Variants in GOLGA8S observed in about 807,000 individuals in gnomAD.
GOLGA8S encodes the protein golgin A8 family member S, also known as golgin subfamily A member 8S.
GOLGA8S carries 23 observed loss-of-function variants against 58.9 expected under a neutral mutation model. The ratio of observed to expected loss-of-function variants is 0.39; its 90% CI spans 0.28 to 0.55. The LOEUF (loss-of-function observed/expected upper bound fraction) is 0.55. Among genes scored for constraint, GOLGA8S ranks in the 20% least tolerant of loss-of-function variants. The pLI, the probability that GOLGA8S is intolerant of heterozygous loss-of-function variation, is 0.63. For missense variants in GOLGA8S, 266 were observed against 514.2 expected (o/e 0.52, Z 4.67); for synonymous variants, 84 against 195.7 (o/e 0.43, Z 4.76).
Position 23,364,324 on chromosome 15 carries a change from T to C in GOLGA8S, c.1348-19T>C, listed in dbSNP as rs549964150. On this transcript the variant is annotated intron_variant, in intron 15 of 18. Transcript: ENST00000562295. ...GGGCAGGTCGCTGCCGAGATGTGAC[T>C]ACAATATTTTGGCTCCAGAGCAGCT... The C allele has an allele frequency of 1.1e-4, 172 of 1,598,840 alleles. 3 individuals carry two copies. Among genetic ancestry groups the C allele is most frequent in the East Asian group, 6.0e-4 (27 of 44,770 alleles).
chr15:23,359,970 G>T lies in GOLGA8S; in HGVS notation c.592-262G>T, dbSNP rs1450199673. Among the ~76,000 whole-genome samples, 2 of 149,540 alleles carry T rather than the reference G, an allele frequency of 1.3e-5. 1 individual carries two copies. The highest frequency in any genetic ancestry group is 3.0e-5 in the Non-Finnish European group (2 of 67,444). On this transcript the variant is annotated intron_variant, in intron 8 of 18. Coordinates refer to ENST00000562295, the Ensembl canonical transcript of GOLGA8S. ...GTATCTGGTGAAGCACTCCATAAAAGTTCAAACAGTGGTAATAATAACAGT... is the reference window on the plus strand; with the variant it reads ...GTATCTGGTGAAGCACTCCATAAAATTTCAAACAGTGGTAATAATAACAGT...
At chr15:23,363,914 G>C (rs2069855902) in intron 15 of GOLGA8S, 145 bp downstream of exon 15, 1 of 597,402 alleles carries the variant, frequency 1.7e-6, no homozygotes, top group African/African-American at 1.9e-5. Context: ...CATTTCACCT[G>C]TGACCAACAT....
Position 23,356,178 on chromosome 15 carries a change from C to T in GOLGA8S, c.49-413C>T, listed in dbSNP as rs879122092. On this transcript the variant is annotated intron_variant, in intron 1 of 18. Coordinates refer to ENST00000562295, the Ensembl canonical transcript of GOLGA8S. ...GAAAGGCTGCCTTCTGCCATGAGGA[C>T]ACATTGATATAAGAGTTTGAGAGGT... is the stretch of plus-strand genomic sequence containing the variant. Among the ~76,000 whole-genome samples the T allele has an allele frequency of 2.1e-4, 31 of 144,252 alleles. 3 individuals are homozygous for T. The highest frequency in any genetic ancestry group is 6.9e-4 in the South Asian group (3 of 4,366). 94.6% of individuals were successfully genotyped at this position (144,252 alleles called of 152,430 possible). A position where few individuals can be genotyped will look rare whatever the true frequency, so the allele number is the denominator to read the frequency against.
Position 23,363,725 on chromosome 15 carries a change from C to T in GOLGA8S, c.1303C>T (p.Pro435Ser), listed in dbSNP as rs772997992. 56 of 567,536 alleles carry T rather than the reference C, an allele frequency of 9.9e-5. 7 individuals are homozygous for T. In the African/African-American group the frequency reaches 1.0e-3, roughly 10 times the overall value. 35.2% of individuals were successfully genotyped at this position (567,536 alleles called of 1,614,324 possible). A position where few individuals can be genotyped will look rare whatever the true frequency, so the allele number is the denominator to read the frequency against. Residue 435 changes from proline (P) to serine (S), a missense_variant, in exon 15 of 19, where the codon CCC becomes TCC. Physicochemically the swap from Pro to Ser is moderately conservative, Grantham distance 74. Coordinates refer to ENST00000562295, the Ensembl canonical transcript of GOLGA8S. The stretch of plus-strand genomic sequence containing the variant: ...CAGTGAGGGGGAGGAGGCACCTCGG[C>T]CCATTCCTAGCATCCCACAGGACCT...
intron 10 of GOLGA8S, 81 bp from the exon 11 acceptor site, chr15:23,360,647 G>A (rs1011039303): frequency 8.0e-7 from 1 of 1,253,528 alleles, no homozygotes; most frequent in Non-Finnish European, 1.2e-6. Flanking sequence ...CTTTGTGGAG[G>A]TGGGGGCAGA....
chr15:23,359,704 T>C (rs1228557319), intron 8 of GOLGA8S, among the ~76,000 whole-genome samples: 1 of 142,948 alleles, frequency 7.0e-6, no homozygotes, highest in South Asian at 2.3e-4. Flanking sequence ...GAATGTATTA[T>C]CCTTTCAAAA....
At chr15:23,361,151 T>C (rs2069786423) in intron 11 of GOLGA8S, 70 bp from the exon 12 acceptor site, 12 of 968,762 alleles carry the variant, frequency 1.2e-5, no homozygotes, top group African/African-American at 2.7e-5. Context: ...TTTCTTTTCT[T>C]TTCTTTTCTT....
chr15:23,359,280 C>A, intron 8 of GOLGA8S, 71 bp downstream of exon 8: 1 of 682,462 alleles, frequency 1.5e-6, no homozygotes, highest in East Asian at 2.6e-5. Flanking sequence ...CTAAAGGTCC[C>A]TTCTGCAGGA....
intron 12 of GOLGA8S, 92 bp from the exon 13 acceptor site, chr15:23,361,632 C>G (rs2069805356): frequency 3.2e-6 from 2 of 619,226 alleles, no homozygotes; most frequent in African/African-American, 4.0e-5. Flanking sequence ...TTCTAACCTG[C>G]CTCCACCCTT....
chr15:23,367,773 A>T (rs1015268779), downstream of GOLGA8S, among the ~76,000 whole-genome samples: 3 of 151,946 alleles, frequency 2.0e-5, no homozygotes, highest in African/African-American at 7.2e-5. Context: ...TTCATCAGAA[A>T]CATAGAATTT....
In GOLGA8S at chr15:23,364,849, GCTTGGGGCTGCAGA is replaced by G; in HGVS notation, c.1679_1692del (p.Leu560GlnfsTer4). 1.3e-6 allele frequency: 2 copies of G among 1,507,186 alleles called. No individual in the cohort carries two copies. The highest frequency in any genetic ancestry group is 8.9e-7 in the Non-Finnish European group (1 of 1,125,134). 93.4% of individuals were successfully genotyped at this position (1,507,186 alleles called of 1,614,324 possible). On this transcript the variant is annotated frameshift_variant, in exon 18 of 19. Transcript: ENST00000562295. LOFTEE classifies it high-confidence loss of function. ...GTCCAGGAGCCCCAGCCCCCCAGGA[GCTTGGGGCTGCAGA>G]CAAGCATGGTGGTGAGTAGAGCCCT... is the stretch of plus-strand genomic sequence containing the variant.
Position 23,362,742 on chromosome 15 carries a change from C to T in GOLGA8S, c.1180-423C>T, listed in dbSNP as rs1028663645. 2.5e-4 allele frequency among the ~76,000 whole-genome samples: 35 copies of T among 142,518 alleles called. 1 individual carries two copies. Among genetic ancestry groups the T allele is most frequent in the Admixed American group, 3.5e-4 (5 of 14,438 alleles). 93.5% of individuals were successfully genotyped at this position (142,518 alleles called of 152,430 possible). On this transcript the variant is annotated intron_variant, in intron 13 of 18. Coordinates refer to ENST00000562295, the Ensembl canonical transcript of GOLGA8S. ...GTAAGGGGCCAGGGGCCTGGGCAGG[C>T]GACAGAGCCCCACAGTGCCCTCGCT...
downstream of GOLGA8S, among the ~76,000 whole-genome samples, chr15:23,368,426 G>A (rs2069954719): frequency 1.3e-5 from 2 of 151,572 alleles, no homozygotes; most frequent in African/African-American, 4.8e-5. Flanking sequence ...GAGATAATGT[G>A]TTTCATTTTT....
At chr15:23,356,314 G>T (rs1372247725) in intron 1 of GOLGA8S, among the ~76,000 whole-genome samples, 2 of 142,772 alleles carry the variant, frequency 1.4e-5, no homozygotes, top group Non-Finnish European at 3.2e-5. Context: ...CTCTGGTTTT[G>T]GTCCCTGGCA....
At chr15:23,361,501 C>T (rs1567268671) in intron 12 of GOLGA8S, 45 bp downstream of exon 12, 2 of 758,288 alleles carry the variant, frequency 2.6e-6, no homozygotes, top group Non-Finnish European at 4.7e-6. Context: ...CCTAGCCCTC[C>T]AGGCCTTTGT....
exon 16 of GOLGA8S, chr15:23,364,348 C>T (rs532067172): frequency 8.7e-6 from 14 of 1,602,320 alleles, no homozygotes; most frequent in Admixed American, 6.7e-5. Context: ...TCCAGAGCAG[C>T]TTTATGGACC....
At chr15:23,360,024 T>C (rs1221009225) in intron 8 of GOLGA8S, among the ~76,000 whole-genome samples, 2 of 149,208 alleles carry the variant, frequency 1.3e-5, no homozygotes, top group Admixed American at 1.3e-4. Context: ...ATCTGATCTC[T>C]CTGGGCCTCT....
At chr15:23,364,231 G>T in intron 15 of GOLGA8S, 112 bp from the exon 16 acceptor site, 1 of 1,518,390 alleles carries the variant, frequency 6.6e-7, no homozygotes, top group East Asian at 2.3e-5. Context: ...CCTGCAGGAA[G>T]TCACGGAGAA....
At chr15:23,356,359 G>A (rs2069688786) in intron 1 of GOLGA8S, among the ~76,000 whole-genome samples, 1 of 136,428 alleles carries the variant, frequency 7.3e-6, no homozygotes, top group Non-Finnish European at 1.6e-5. Context: ...AGAGTTTGGA[G>A]TCAGAAGACT....
Sources: gnomAD v4.1 joint callset for allele counts (sites outside exome capture counted in the v4.1 genomes callset) on GRCh38, gnomAD v4.1.1 for gene constraint, MANE v1.5 for transcripts, NCBI Gene and HGNC (gene_info 2026-07-23, HGNC 2026-07-21) for gene names.